Variants in ZNF592 observed in about 807,000 individuals in gnomAD.
ZNF592 encodes zinc finger protein 592.
In ZNF592, 11 loss-of-function variants were observed where a neutral mutation model predicts 80.3. The ratio of observed to expected loss-of-function variants is 0.14; its 90% CI spans 0.09 to 0.23. The LOEUF (loss-of-function observed/expected upper bound fraction) is 0.23. Among genes scored for constraint, ZNF592 ranks in the 10% least tolerant of loss-of-function variants. The pLI is 1.00. For missense variants in ZNF592, 1,420 were observed against 1,633.9 expected, an observed-to-expected ratio of 0.87 and a Z score of 2.26; for synonymous variants, 646 against 640.3, an observed-to-expected ratio of 1.01 and a Z score of -0.13.
At chr15:84,764,615 A>G in intron 1 of ZNF592, 92 bp from the exon 2 acceptor site, 1 of 393,746 alleles carries the variant, frequency 2.5e-6, no homozygotes, top group Non-Finnish European at 4.5e-6. Flanking sequence ...CACTTGGATT[A>G]TTATTATTAG....
At position 84,798,166 on chromosome 15, in the gene ZNF592, G is replaced by A. The variant is rs967169103; in HGVS notation, c.2576+121G>A. ...GTTAGTGGCAGAGGTGCCTGGGGTC[G>A]TACTAAGGATGTCCTGAGGCAGGGG... is the stretch of plus-strand genomic sequence containing the variant. On this transcript the variant is annotated intron_variant, in intron 6 of 10. Transcript: ENST00000560079. This position sits in a 1 kb window ranked among gnomAD's most constrained non-coding sequence, Gnocchi z 4.5. The A allele has an allele frequency of 1.5e-5, 24 of 1,557,412 alleles. No homozygotes were observed. Among genetic ancestry groups the A allele is most frequent in the East Asian group, 2.2e-5 (1 of 44,514 alleles).
chr15:84,790,591 T>C, intron 4 of ZNF592, 114 bp from the exon 5 acceptor site: 1 of 1,022,808 alleles, frequency 9.8e-7, no homozygotes, highest in Non-Finnish European at 1.5e-6. Context: ...GAAGAGAGAG[T>C]GGTTGGGGGA....
At chr15:84,782,133 C>T (rs78467302) in intron 3 of ZNF592, among the ~76,000 whole-genome samples, 3,362 of 152,214 alleles carry the variant, frequency 0.022, 84 homozygotes, top group African/African-American at 0.057. Flanking sequence ...ATTCATGAGA[C>T]AACACAAATA....
rs1486550585 is a variant in ZNF592, at chr15:84,758,449, T to G, written c.-258-6258T>G. On this transcript the variant is annotated intron_variant, in intron 1 of 10. Coordinates refer to ENST00000560079, the MANE Select transcript of ZNF592 (RefSeq NM_014630.3). Reference sequence around the variant, plus strand: ...AGGCGTGCACCACCACACCAACTAATTTTTTTGTATTTTTTTGTAGAGATG... The same window carrying G: ...AGGCGTGCACCACCACACCAACTAAGTTTTTTGTATTTTTTTGTAGAGATG... 4.6e-5 allele frequency among the ~76,000 whole-genome samples: 7 copies of G among 151,720 alleles called. No homozygotes were observed. The East Asian group carries it at 1.4e-3, about 30-fold the overall frequency.
In ZNF592 at chr15:84,774,773, TTTTG is replaced by T. The variant is rs142502151; in HGVS notation, c.-149-3390_-149-3387del. On this transcript the variant is annotated intron_variant, in intron 2 of 10. Transcript: ENST00000560079. ...CATAATTATATATAATCATACTGGTTTTTGTTTGTTTGTTTGTTTGTTTTTTGAG... is the reference window on the plus strand; with the variant it reads ...CATAATTATATATAATCATACTGGTTTTTGTTTGTTTGTTTGTTTTTTGAG... Among the ~76,000 whole-genome samples, 1,367 of 152,128 alleles carry T rather than the reference TTTTG, an allele frequency of 9.0e-3. 19 individuals are homozygous for T. Among genetic ancestry groups the T allele is most frequent in the African/African-American group, 0.031 (1,304 of 41,470 alleles).
chr15:84,753,950 A>G (rs1899089002), intron 1 of ZNF592, among the ~76,000 whole-genome samples: 1 of 152,160 alleles, frequency 6.6e-6, no homozygotes, highest in South Asian at 2.1e-4. Flanking sequence ...GCTTGCTCCA[A>G]GGGTGTAGGA....
chr15:84,795,686 C>T (rs557667017), intron 5 of ZNF592, among the ~76,000 whole-genome samples: 1 of 152,274 alleles, frequency 6.6e-6, no homozygotes, highest in South Asian at 2.1e-4. Flanking sequence ...CTTCTGTGTG[C>T]TAGAAGTTGG....
At chr15:84,749,097 C>G (rs945561020) in intron 1 of ZNF592, among the ~76,000 whole-genome samples, 1 of 152,236 alleles carries the variant, frequency 6.6e-6, no homozygotes, top group African/African-American at 2.4e-5. Context: ...GTCGCCGTCA[C>G]AGGGCAGACA....
At chr15:84,772,159 T>C (rs1962100120) in intron 2 of ZNF592, among the ~76,000 whole-genome samples, 1 of 152,196 alleles carries the variant, frequency 6.6e-6, no homozygotes, top group South Asian at 2.1e-4. Context: ...TCCAGGAACA[T>C]GAGCCTCTTT....
chr15:84,797,855 C>A lies in ZNF592; in HGVS notation c.2400-14C>A. On this transcript the variant is annotated splice_polypyrimidine_tract_variant and intron_variant, in intron 5 of 10. Coordinates refer to ENST00000560079, the MANE Select transcript of ZNF592 (RefSeq NM_014630.3). ...ATACTCCACCCACACTCACACTACC[C>A]CACTTCTGTCTAGGTGCATCCACTG... The A allele has an allele frequency of 1.9e-6, 3 of 1,614,202 alleles. No individual in the cohort carries two copies. Among genetic ancestry groups the A allele is most frequent in the Non-Finnish European group, 2.5e-6 (3 of 1,180,024 alleles).
chr15:84,759,022 C>T lies in ZNF592; in HGVS notation c.-258-5685C>T, dbSNP rs1463226540. Among the ~76,000 whole-genome samples, 3 of 152,176 alleles carry T rather than the reference C, an allele frequency of 2.0e-5. No individual in the cohort carries two copies. In the East Asian group the frequency reaches 5.8e-4, roughly 29 times the overall value. ...TTACAGTAGATACCTACCTTAAAGC[C>T]TCTTCTTATGGTCTCCCTATGCCCT... On this transcript the variant is annotated intron_variant, in intron 1 of 10. Transcript: ENST00000560079.
chr15:84,802,304 G>T lies in ZNF592; in HGVS notation c.3715G>T (p.Ala1239Ser). 6 of 1,613,592 alleles carry T rather than the reference G, an allele frequency of 3.7e-6. No individual in the cohort carries two copies. Among genetic ancestry groups the T allele is most frequent in the South Asian group, 1.1e-5 (1 of 91,036 alleles). ...AGAGGCGAGGAGATTGCTGGGCCCG[G>T]CCCCTGAGGACGATGGTGGCCACAA... Reference protein sequence around the residue: ...DPEARRLLGPAPEDDGGHNDH... With the variant: ...DPEARRLLGPSPEDDGGHNDH... Residue 1239 changes from alanine (A) to serine (S), a missense_variant, in exon 11 of 11, where the codon GCC becomes TCC. Ala to Ser is a moderately conservative substitution (Grantham distance 99). Coordinates refer to ENST00000560079, the MANE Select transcript of ZNF592 (RefSeq NM_014630.3).
At chr15:84,786,322 A>G (rs1375635241) in intron 4 of ZNF592, among the ~76,000 whole-genome samples, 2 of 152,210 alleles carry the variant, frequency 1.3e-5, no homozygotes, top group Non-Finnish European at 2.9e-5. Flanking sequence ...AGAGGGACTA[A>G]TTCACGATGA....
At chr15:84,752,729 C>G (rs537764201) in intron 1 of ZNF592, among the ~76,000 whole-genome samples, 1 of 152,094 alleles carries the variant, frequency 6.6e-6, no homozygotes, top group Non-Finnish European at 1.5e-5. Flanking sequence ...TAGATGTTAT[C>G]GTGGGGCAGC....
intron 2 of ZNF592, among the ~76,000 whole-genome samples, chr15:84,771,598 T>C (rs1165195616): frequency 6.6e-6 from 1 of 152,186 alleles, no homozygotes; most frequent in Admixed American, 6.5e-5. Context: ...CAGCAAATTT[T>C]ATGGCAACAT....
At position 84,784,571 on chromosome 15, in the gene ZNF592, G is replaced by T; in HGVS notation, c.1896G>T (p.Leu632=). ...TGCTCTTCTTCAACAAGTGCAGCCT[G>T]CTCCGGCACGCCCGTGACCACAAGA... The part of the protein sequence containing the change: ...KTLLFFNKCS[L]LRHARDHKSK... The change falls in exon 4 of 11, where the codon CTG becomes CTT. Residue 632 remains leucine, a synonymous_variant. Transcript: ENST00000560079. The surrounding 1 kb of genome is among the most constrained non-coding windows in gnomAD (Gnocchi z 5.8). 6.2e-7 allele frequency: 1 copy of T among 1,614,188 alleles called. No individual in the cohort carries two copies.
rs1962922165 is a variant in ZNF592, at chr15:84,796,377, CTT to C, written c.2400-1490_2400-1489del. The stretch of plus-strand genomic sequence containing the variant: ...TTATTTTAGCAAAGCACCTGCCTCT[CTT>C]TAGTGCCTATGGGGATGTCAATAAT... On this transcript the variant is annotated intron_variant, in intron 5 of 10. Coordinates refer to ENST00000560079, the MANE Select transcript of ZNF592 (RefSeq NM_014630.3). Among the ~76,000 whole-genome samples the C allele has an allele frequency of 2.7e-5, 4 of 149,840 alleles. No homozygotes were observed. The South Asian group carries it at 8.4e-4, about 32-fold the overall frequency.
chr15:84,748,970 G>A (rs543284032), intron 1 of ZNF592, among the ~76,000 whole-genome samples: 20 of 152,084 alleles, frequency 1.3e-4, no homozygotes, highest in Non-Finnish European at 1.9e-4. Flanking sequence ...CGCTGGGCGG[G>A]ACGTGCGGCC....
intron 2 of ZNF592, among the ~76,000 whole-genome samples, chr15:84,774,833 T>C (rs919680875): frequency 6.6e-6 from 1 of 152,160 alleles, no homozygotes; most frequent in Non-Finnish European, 1.5e-5. Context: ...CAGGCTGGAG[T>C]ACAATGGCGT....
Sources: gnomAD v4.1 joint callset for allele counts (sites outside exome capture counted in the v4.1 genomes callset) on GRCh38, gnomAD v4.1.1 for gene constraint, Gnocchi (gnomAD v3.1) non-coding constraint, MANE v1.5 for transcripts, NCBI Gene and HGNC (gene_info 2026-07-23, HGNC 2026-07-21) for gene names.